The following RUFY3 variants were observed in gnomAD, a reference collection of about 807,000 sequenced individuals.
RUFY3 encodes RUN and FYVE domain containing 3.
A neutral mutation model predicts 84.0 loss-of-function variants in RUFY3; 34 were observed. The observed-to-expected ratio is 0.40, with a 90% confidence interval of 0.31 to 0.54. The LOEUF (loss-of-function observed/expected upper bound fraction) is 0.54. RUFY3 is among the 20% of genes least tolerant of loss of function. The pLI, the probability that RUFY3 is intolerant of heterozygous loss-of-function variation, is 0.39. For missense variants in RUFY3, 507 were observed against 736.8 expected, an observed-to-expected ratio of 0.69 and a Z score of 3.61; for synonymous variants, 242 against 252.9, an observed-to-expected ratio of 0.96 and a Z score of 0.41.
chr4:70,793,835 TC>T lies in RUFY3; in HGVS notation c.1389del (p.Phe464SerfsTer28). ...SRQSAELDNR[L>X]FKQDFGDKIN... is the part of the protein sequence containing the mutation. ...CAATCTGCTGAGTTGGACAACCGGC[TC>T]TTCAAACAGGACTTTGGAGACAAGA... On this transcript the variant is annotated frameshift_variant, in exon 13 of 18. Transcript: ENST00000381006. LOFTEE classifies it high-confidence loss of function. The T allele has an allele frequency of 6.2e-7, 1 of 1,614,120 alleles. No individual in the cohort carries two copies. Among genetic ancestry groups the T allele is most frequent in the Non-Finnish European group, 8.5e-7 (1 of 1,180,016 alleles).
chr4:70,720,505 A>G (rs1454494685), upstream of RUFY3, among the ~76,000 whole-genome samples: 2 of 151,588 alleles, frequency 1.3e-5, no homozygotes, highest in Non-Finnish European at 2.9e-5. Flanking sequence ...CTTCGTAACA[A>G]TATGAAAATG....
chr4:70,796,634 A>G (rs1339344978), intron 14 of RUFY3, among the ~76,000 whole-genome samples: 1 of 152,210 alleles, frequency 6.6e-6, no homozygotes, highest in African/African-American at 2.4e-5. Context: ...TATTGTTTCT[A>G]CTGTTAATTG....
At chr4:70,749,285 A>G (rs1722720683) in intron 1 of RUFY3, among the ~76,000 whole-genome samples, 1 of 152,170 alleles carries the variant, frequency 6.6e-6, no homozygotes. Context: ...GGTAAAGGTA[A>G]CTGAAGAAGT....
chr4:70,735,686 AT>A (rs769424389), intron 1 of RUFY3, among the ~76,000 whole-genome samples: 1 of 152,016 alleles, frequency 6.6e-6, no homozygotes, highest in Non-Finnish European at 1.5e-5. Flanking sequence ...ACAAAAAAAA[AT>A]AAAAATTAGC....
chr4:70,737,409 G>A (rs1720492268), intron 1 of RUFY3, among the ~76,000 whole-genome samples: 1 of 152,134 alleles, frequency 6.6e-6, no homozygotes. Flanking sequence ...AAAACTAAGA[G>A]TGTATGTGAG....
chr4:70,704,166 C>T (rs567484680), upstream of RUFY3: 9 of 152,304 alleles, frequency 5.9e-5, no homozygotes, highest in African/African-American at 2.2e-4. Flanking sequence ...CTCATGCGCA[C>T]CCGCGGCACT....
At chr4:70,796,877 G>A (rs1323547446) in intron 14 of RUFY3, among the ~76,000 whole-genome samples, 1 of 151,534 alleles carries the variant, frequency 6.6e-6, no homozygotes, top group Non-Finnish European at 1.5e-5. Context: ...TTTGATGTTT[G>A]TTCTTGCTTC....
In RUFY3 at chr4:70,773,529, T is replaced by C; in HGVS notation, c.715T>C (p.Ser239Pro). The C allele has an allele frequency of 6.2e-7, 1 of 1,611,292 alleles. No individual in the cohort carries two copies. The highest frequency in any genetic ancestry group is 8.5e-7 in the Non-Finnish European group (1 of 1,177,564). Residue 239 changes from serine (S) to proline (P), a missense_variant, in exon 6 of 18, where the codon TCA (serine) becomes CCA (proline). Physicochemically the swap from Ser to Pro is moderately conservative, Grantham distance 74. Coordinates refer to ENST00000381006, the MANE Select transcript of RUFY3 (RefSeq NM_001037442.4). ...TCTGTAGGTTGGAGTTATAGATTTT[T>C]CAATGTATCTCAAGGACGGGAACAG... ...LDSQVGVIDFSMYLKDGNSSK... is the reference protein window; with the variant it reads ...LDSQVGVIDFPMYLKDGNSSK...
At chr4:70,754,328 C>T (rs1366812910) in intron 1 of RUFY3, among the ~76,000 whole-genome samples, 6 of 152,176 alleles carry the variant, frequency 3.9e-5, no homozygotes, top group African/African-American at 1.4e-4. Context: ...GCTGGGATTA[C>T]AGGTGTGAGC....
At chr4:70,746,081 C>T (rs1428108458) in intron 1 of RUFY3, among the ~76,000 whole-genome samples, 5 of 151,898 alleles carry the variant, frequency 3.3e-5, no homozygotes, top group African/African-American at 7.3e-5. Flanking sequence ...TGGTGGCTCA[C>T]GCCTGTAATC....
At chr4:70,740,608 T>C (rs1721179043) in intron 1 of RUFY3, among the ~76,000 whole-genome samples, 1 of 152,236 alleles carries the variant, frequency 6.6e-6, no homozygotes, top group Admixed American at 6.5e-5. Flanking sequence ...GTCTGTAAAG[T>C]AATAATGTGG....
chr4:70,764,968 T>A (rs1475652973), intron 4 of RUFY3, among the ~76,000 whole-genome samples: 2 of 152,064 alleles, frequency 1.3e-5, no homozygotes, highest in African/African-American at 4.8e-5. Flanking sequence ...GGCAGACCAC[T>A]TGAGGCCAGG....
At chr4:70,794,705 G>T in intron 13 of RUFY3, 90 bp from the exon 14 acceptor site, 1 of 806,494 alleles carries the variant, frequency 1.2e-6, no homozygotes, top group African/African-American at 1.7e-5. Flanking sequence ...CGTAATTACT[G>T]CACTTTAAGA....
intron 7 of RUFY3, among the ~76,000 whole-genome samples, chr4:70,778,097 G>A (rs900350145): frequency 1.3e-5 from 2 of 152,104 alleles, no homozygotes; most frequent in African/African-American, 2.4e-5. Flanking sequence ...GCTGGATTTG[G>A]TGGTGCATGT....
Position 70,722,450 on chromosome 4 carries a change from T to C in RUFY3, c.-124T>C. ...TTTTAAACCTCCCCCACCCTTTTCC[T>C]GAAAGCTTTGTTTCAGAGCTTTGTA... On this transcript the variant is annotated 5_prime_UTR_variant, in exon 1 of 18. Coordinates refer to ENST00000381006, the MANE Select transcript of RUFY3 (RefSeq NM_001037442.4). 1.4e-6 allele frequency: 2 copies of C among 1,389,514 alleles called. No individual in the cohort carries two copies. Among genetic ancestry groups the C allele is most frequent in the Non-Finnish European group, 1.9e-6 (2 of 1,067,620 alleles). The allele number at this position is 1,389,514 out of a possible 1,614,324, so 86.1% of individuals were successfully genotyped here.
At chr4:70,786,875 CT>C (rs1474713050) in intron 10 of RUFY3, among the ~76,000 whole-genome samples, 1 of 151,890 alleles carries the variant, frequency 6.6e-6, no homozygotes, top group Non-Finnish European at 1.5e-5. Context: ...TAAGGGGTGA[CT>C]TAACTTGTAC....
chr4:70,776,745 C>T (rs1578180748), intron 7 of RUFY3, among the ~76,000 whole-genome samples: 1 of 152,192 alleles, frequency 6.6e-6, no homozygotes, highest in South Asian at 2.1e-4. Context: ...CACTGCACTC[C>T]AGCATGGGCA....
chr4:70,706,388 A>G (rs1249884355), intron 1 of RUFY3, among the ~76,000 whole-genome samples: 3 of 152,304 alleles, frequency 2.0e-5, no homozygotes, highest in South Asian at 2.1e-4. Context: ...TCCATCTCCT[A>G]GGAAAAGATA....
chr4:70,787,261 T>C (rs1219698775), intron 10 of RUFY3, among the ~76,000 whole-genome samples: 1 of 130,322 alleles, frequency 7.7e-6, no homozygotes, highest in Non-Finnish European at 1.6e-5. Flanking sequence ...TATTTATTTG[T>C]TTTTTTTTTT....
Sources: gnomAD v4.1 joint callset for allele counts (sites outside exome capture counted in the v4.1 genomes callset) on GRCh38, gnomAD v4.1.1 for gene constraint, MANE v1.5 for transcripts, NCBI Gene and HGNC (gene_info 2026-07-23, HGNC 2026-07-21) for gene names.